SRF: variants seen among roughly 807,000 people sequenced by gnomAD.
SRF encodes the protein serum response factor.
SRF carries 7 observed loss-of-function variants against 37.1 expected under a neutral mutation model. The observed-to-expected ratio is 0.19, with a 90% CI of 0.11 to 0.35. The LOEUF (loss-of-function observed/expected upper bound fraction) is 0.35, where lower values mean the gene tolerates loss of function less well. Ranked by LOEUF, SRF falls within the 10% of genes least tolerant of loss-of-function variation. The probability of loss-of-function intolerance (pLI) is 1.00; values close to 1 mark genes in which losing one functional copy is unlikely to be tolerated. For synonymous variants in SRF, 285 were observed against 310.1 expected (o/e 0.92, Z 0.85); for missense variants, 395 against 694.4 (o/e 0.57, Z 4.85).
In SRF at chr6:43,171,941, G is replaced by A; in HGVS notation, c.285G>A (p.Arg95=). ...AGGAGGAGGAGCTGGGCGCCGAGCG[G>A]CGCGGCCTGAAGCGGAGCCTGAGCG... ...SGEEEELGAE[R]RGLKRSLSEM... Residue 95 remains arginine (R), a synonymous_variant, in exon 1 of 7, where the codon CGG becomes CGA. Transcript: ENST00000265354. The surrounding 1 kb of genome is among the most constrained non-coding windows in gnomAD (Gnocchi z 6.5). 6.7e-7 allele frequency: 1 copy of A among 1,484,778 alleles called. No individual in the cohort carries two copies. The highest frequency in any genetic ancestry group is 2.7e-5 in the East Asian group (1 of 37,082). The allele number at this position is 1,484,778 out of a possible 1,614,324, so 92.0% of individuals were successfully genotyped here.
At chr6:43,174,226 A>G (rs1229396835) in intron 2 of SRF, 113 bp downstream of exon 2, 4 of 1,358,478 alleles carry the variant, frequency 2.9e-6, no homozygotes, top group Non-Finnish European at 4.0e-6. Flanking sequence ...CGGATTAACG[A>G]CCCTCGTCCT....
chr6:43,177,004 G>A (rs1772209909), intron 4 of SRF, among the ~76,000 whole-genome samples: 2 of 152,172 alleles, frequency 1.3e-5, no homozygotes, highest in South Asian at 4.1e-4. Flanking sequence ...TTCTCTTTGT[G>A]CGAGGGTCTT....
chr6:43,174,312 A>C (rs1231667224), intron 2 of SRF, among the ~76,000 whole-genome samples, 199 bp downstream of exon 2: 1 of 152,180 alleles, frequency 6.6e-6, no homozygotes, highest in East Asian at 1.9e-4. Flanking sequence ...CCGTGCCCAT[A>C]TAAGGCCGGC....
intron 2 of SRF, among the ~76,000 whole-genome samples, chr6:43,175,036 G>A (rs1341959517): frequency 6.6e-6 from 1 of 152,164 alleles, no homozygotes; most frequent in African/African-American, 2.4e-5. Flanking sequence ...TGTTGGATGA[G>A]TACATTCTTT....
chr6:43,172,944 T>C lies in SRF; in HGVS notation c.513+775T>C, dbSNP rs2150494983. On this transcript the variant is annotated intron_variant, in intron 1 of 6. Coordinates refer to ENST00000265354, the MANE Select transcript of SRF (RefSeq NM_003131.4). This position sits in a 1 kb window ranked among gnomAD's most constrained non-coding sequence, Gnocchi z 5.7. ...TCCTCTTCTGCCAGCCAGTGAAAAG[T>C]GTTGAGGAAAGGAGTCATTTTGGGG... Among the ~76,000 whole-genome samples, 1 of 151,946 alleles carries C rather than the reference T, an allele frequency of 6.6e-6. No homozygotes were observed. Among genetic ancestry groups the C allele is most frequent in the Non-Finnish European group, 1.5e-5 (1 of 67,938 alleles).
rs1772153848 is a variant in SRF, at chr6:43,174,042, A to T, written c.709A>T (p.Ser237Cys). Reference sequence around the variant, plus strand: ...AGACCCCACAACAGACCAGAGAATGAGTGCCACTGGCTTTGAAGAGACAGA... The same window carrying T: ...AGACCCCACAACAGACCAGAGAATGTGTGCCACTGGCTTTGAAGAGACAGA... ...RSDPTTDQRM[S>C]ATGFEETDLT... The change falls in exon 2 of 7, where the codon AGT (serine) becomes TGT (cysteine). Residue 237 changes from serine to cysteine, a missense_variant. Ser to Cys is a moderately radical substitution (Grantham distance 112). Coordinates refer to ENST00000265354, the MANE Select transcript of SRF (RefSeq NM_003131.4). 1 of 1,614,204 alleles carries T rather than the reference A, an allele frequency of 6.2e-7. No individual in the cohort carries two copies. The highest frequency in any genetic ancestry group is 1.1e-5 in the South Asian group (1 of 91,086).
At chr6:43,177,679 G>A (rs1772229937) in intron 4 of SRF, among the ~76,000 whole-genome samples, 1 of 151,306 alleles carries the variant, frequency 6.6e-6, no homozygotes, top group Non-Finnish European at 1.5e-5. Flanking sequence ...GCTTTGGGAG[G>A]CCGAGGGGGG....
At position 43,179,224 on chromosome 6, in the gene SRF, A is replaced by T. The variant is rs981610848; in HGVS notation, c.*34A>T. On this transcript the variant is annotated 3_prime_UTR_variant, in exon 7 of 7. Coordinates refer to ENST00000265354, the MANE Select transcript of SRF (RefSeq NM_003131.4). The surrounding 1 kb of genome is among the most constrained non-coding windows in gnomAD (Gnocchi z 5.3). ...CCGCCCTGGACAGATGGCCCAAGGGATGGCACCACTTATTTATTGTTGCCT... is the reference window on the plus strand; with the variant it reads ...CCGCCCTGGACAGATGGCCCAAGGGTTGGCACCACTTATTTATTGTTGCCT... 1 of 1,607,386 alleles carries T rather than the reference A, an allele frequency of 6.2e-7. No individual in the cohort carries two copies. Among genetic ancestry groups the T allele is most frequent in the African/African-American group, 1.3e-5 (1 of 74,808 alleles).
Position 43,171,889 on chromosome 6 carries a change from G to A in SRF, c.233G>A (p.Gly78Asp), listed in dbSNP as rs1772109595. 5 of 1,405,036 alleles carry A rather than the reference G, an allele frequency of 3.6e-6. No homozygotes were observed. In the South Asian group the frequency reaches 7.8e-5, roughly 22 times the overall value. 87.0% of individuals were successfully genotyped at this position (1,405,036 alleles called of 1,614,324 possible). ...CCCACCGCGGGGGCCCTCTACAGCG[G>A]CAGCGAGGGCGACTCGGAGTCGGGC... ...PAPTAGALYS[G>D]SEGDSESGEE... Residue 78 changes from glycine to aspartate, a missense_variant, in exon 1 of 7, where the codon GGC (glycine) becomes GAC (aspartate). Gly to Asp is a moderately conservative substitution (Grantham distance 94). This residue lies in a region of SRF where 134 missense variants were observed against 204.5 expected (regional missense o/e 0.66). Transcript: ENST00000265354. The surrounding 1 kb of genome is among the most constrained non-coding windows in gnomAD (Gnocchi z 6.5).
In SRF at chr6:43,172,312, C is replaced by T. The variant is rs1162943821; in HGVS notation, c.513+143C>T. On this transcript the variant is annotated intron_variant, in intron 1 of 6. Coordinates refer to ENST00000265354, the MANE Select transcript of SRF (RefSeq NM_003131.4). The surrounding 1 kb of genome is among the most constrained non-coding windows in gnomAD (Gnocchi z 5.7). ...TGTGTGGGAGGGGATGGCTCCTGCC[C>T]GGGGAGGGCCGAAGGGGAGGGGCCG... 5 of 1,194,676 alleles carry T rather than the reference C, an allele frequency of 4.2e-6. No individual in the cohort carries two copies. Among genetic ancestry groups the T allele is most frequent in the Non-Finnish European group, 5.3e-6 (5 of 948,434 alleles). The allele number at this position is 1,194,676 out of a possible 1,614,324, so 74.0% of individuals were successfully genotyped here.
At chr6:43,174,163 TC>T in intron 2 of SRF, 50 bp downstream of exon 2, 1 of 1,596,412 alleles carries the variant, frequency 6.3e-7, no homozygotes, top group Non-Finnish European at 8.5e-7. Flanking sequence ...GGGGTCCCTC[TC>T]CCTTTCTGGC....
chr6:43,178,746 C>T lies in SRF; in HGVS notation c.1355-60C>T, dbSNP rs1043205850. 19 of 1,565,402 alleles carry T rather than the reference C, an allele frequency of 1.2e-5. No individual in the cohort carries two copies. The highest frequency in any genetic ancestry group is 1.7e-5 in the Non-Finnish European group (19 of 1,136,602). ...GTCACTTGTGCATTTGACACCACTC[C>T]TCCAATATCTGGAAGTTTCAACAAA... is the stretch of plus-strand genomic sequence containing the variant. On this transcript the variant is annotated intron_variant, in intron 5 of 6. Coordinates refer to ENST00000265354, the MANE Select transcript of SRF (RefSeq NM_003131.4). This position sits in a 1 kb window ranked among gnomAD's most constrained non-coding sequence, Gnocchi z 4.3.
At chr6:43,177,254 G>A (rs1285038843) in intron 4 of SRF, among the ~76,000 whole-genome samples, 3 of 88,308 alleles carry the variant, frequency 3.4e-5, no homozygotes, top group Admixed American at 2.4e-4. Flanking sequence ...TTGAGACGGA[G>A]TCTCGCTCTC....
Position 43,171,390 on chromosome 6 carries a change from C to T in SRF, c.-267C>T. On this transcript the variant is annotated 5_prime_UTR_variant, in exon 1 of 7. In the 5' UTR this introduces an upstream ATG that the reference lacks. Transcript: ENST00000265354. The surrounding 1 kb of genome is among the most constrained non-coding windows in gnomAD (Gnocchi z 6.5). ...CCAGCAGCCCCTGCCCCCCGGGGGA[C>T]GCTGACGGCCGCCCGGCGCGCCGCC... The T allele has an allele frequency of 4.4e-6, 1 of 229,062 alleles. No individual in the cohort carries two copies. The highest frequency in any genetic ancestry group is 9.7e-5 in the East Asian group (1 of 10,354). 14.2% of individuals were successfully genotyped at this position (229,062 alleles called of 1,614,324 possible).
chr6:43,176,482 C>G lies in SRF; in HGVS notation c.1043-66C>G. On this transcript the variant is annotated intron_variant, in intron 3 of 6. Transcript: ENST00000265354. This position sits in a 1 kb window ranked among gnomAD's most constrained non-coding sequence, Gnocchi z 4.0. The stretch of plus-strand genomic sequence containing the variant: ...TGCCAGACCCTGGGACTGGGGTGTC[C>G]ATGGGTACTTGGTGGAGGTGGCAAT... 1 of 1,598,206 alleles carries G rather than the reference C, an allele frequency of 6.3e-7. No homozygotes were observed. The highest frequency in any genetic ancestry group is 8.6e-7 in the Non-Finnish European group (1 of 1,169,376).
At position 43,178,690 on chromosome 6, in the gene SRF, C is replaced by G. The variant is rs1772250268; in HGVS notation, c.1355-116C>G. 2 of 1,302,868 alleles carry G rather than the reference C, an allele frequency of 1.5e-6. No homozygotes were observed. The highest frequency in any genetic ancestry group is 2.2e-6 in the Non-Finnish European group (2 of 907,488). The allele number at this position is 1,302,868 out of a possible 1,614,324, so 80.7% of individuals were successfully genotyped here. ...ACCCTCAGACACACTGGCACCCTTT[C>G]CCTTGGGCTCTTACATCTGAGACTG... On this transcript the variant is annotated intron_variant, in intron 5 of 6. Transcript: ENST00000265354. This position sits in a 1 kb window ranked among gnomAD's most constrained non-coding sequence, Gnocchi z 4.3.
chr6:43,179,215 G>C lies in SRF; in HGVS notation c.*25G>C, dbSNP rs1328024226. 2 of 1,612,192 alleles carry C rather than the reference G, an allele frequency of 1.2e-6. No individual in the cohort carries two copies. The highest frequency in any genetic ancestry group is 3.3e-5 in the Admixed American group (2 of 59,974). ...ATCCGCCCGCCGCCCTGGACAGATGGCCCAAGGGATGGCACCACTTATTTA... is the reference window on the plus strand; with the variant it reads ...ATCCGCCCGCCGCCCTGGACAGATGCCCCAAGGGATGGCACCACTTATTTA... On this transcript the variant is annotated 3_prime_UTR_variant, in exon 7 of 7. Coordinates refer to ENST00000265354, the MANE Select transcript of SRF (RefSeq NM_003131.4). This position sits in a 1 kb window ranked among gnomAD's most constrained non-coding sequence, Gnocchi z 5.3.
chr6:43,177,948 C>CAAATAA (rs1772236676), intron 4 of SRF, among the ~76,000 whole-genome samples: 1 of 147,454 alleles, frequency 6.8e-6, no homozygotes, highest in South Asian at 2.2e-4. Flanking sequence ...AGAATGAGAA[C>CAAATAA]AAATAAAAAA....
intron 4 of SRF, among the ~76,000 whole-genome samples, chr6:43,177,884 C>T (rs1772234767): frequency 6.8e-6 from 1 of 146,048 alleles, no homozygotes; most frequent in Non-Finnish European, 1.5e-5. Flanking sequence ...CACTGCACCC[C>T]AGCCTGGGTG....
Sources: allele counts gnomAD v4.1 joint callset (sites outside exome capture counted in the v4.1 genomes callset), GRCh38; gene constraint gnomAD v4.1.1; regional missense constraint gnomAD v4.1.1; non-coding constraint Gnocchi (gnomAD v3.1); transcripts MANE v1.5; gene names NCBI Gene and HGNC (gene_info 2026-07-23, HGNC 2026-07-21).